Variants in FSCN1 observed in about 807,000 individuals in gnomAD.
FSCN1 encodes the protein fascin actin-bundling protein 1.
FSCN1 carries 10 observed loss-of-function variants against 39.7 expected under a neutral mutation model. That is an observed-to-expected ratio of 0.25 (90% CI 0.16 to 0.43). The LOEUF is 0.43. Among genes scored for constraint, FSCN1 ranks in the 20% least tolerant of loss-of-function variants. The pLI, the probability that FSCN1 is intolerant of heterozygous loss-of-function variation, is 1.00. For synonymous variants in FSCN1, 322 were observed against 320.0 expected, an observed-to-expected ratio of 1.01 and a Z score of -0.07; for missense variants, 525 against 723.8, an observed-to-expected ratio of 0.73 and a Z score of 3.15.
intron 1 of FSCN1, among the ~76,000 whole-genome samples, chr7:5,597,233 G>T (rs1440261871): frequency 1.3e-5 from 2 of 152,228 alleles, no homozygotes; most frequent in Non-Finnish European, 2.9e-5. Flanking sequence ...GCCAGGCATG[G>T]TGATGCACGC....
rs535304747 is a variant in FSCN1 at position 5,598,020 on chromosome 7, G to A, written c.832+4252G>A. 1.6e-3 allele frequency among the ~76,000 whole-genome samples: 249 copies of A among 152,356 alleles called. 1 individual carries two copies. Among genetic ancestry groups the A allele is most frequent in the Admixed American group, 2.9e-3 (45 of 15,306 alleles). ...TTAGAGACTCCAAGGCCAAGCGAGGGCCTTGGAGCCAGGAGGGGCCCTGCT... is the reference window on the plus strand; with the variant it reads ...TTAGAGACTCCAAGGCCAAGCGAGGACCTTGGAGCCAGGAGGGGCCCTGCT... On this transcript the variant is annotated intron_variant, in intron 1 of 4. Coordinates refer to ENST00000382361, the MANE Select transcript of FSCN1 (RefSeq NM_003088.4).
At chr7:5,600,222 G>A (rs1785800588) in intron 1 of FSCN1, among the ~76,000 whole-genome samples, 1 of 152,040 alleles carries the variant, frequency 6.6e-6, no homozygotes, top group African/African-American at 2.4e-5. Context: ...GACCGGCCTG[G>A]CCAACATAAT....
Position 5,603,880 on chromosome 7 carries a change from C to G in FSCN1, c.1129C>G (p.Leu377Val). Residue 377 changes from leucine to valine, a missense_variant, in exon 4 of 5, where the codon CTC becomes GTC. Transcript: ENST00000382361. This position sits in a 1 kb window ranked among gnomAD's most constrained non-coding sequence, Gnocchi z 8.5. ...TGGGACAGGGGACTCAGAGCTCTTC[C>G]TCATGAAGCTCATCAACCGCCCCAT... ...VETAGDSELF[L>V]MKLINRPIIV... is the part of the protein sequence containing the mutation. 6.2e-7 allele frequency: 1 copy of G among 1,613,724 alleles called. No homozygotes were observed. Among genetic ancestry groups the G allele is most frequent in the Non-Finnish European group, 8.5e-7 (1 of 1,179,898 alleles).
At chr7:5,604,174 T>C (rs1392142300) in intron 4 of FSCN1, 144 bp downstream of exon 4, 20 of 717,706 alleles carry the variant, frequency 2.8e-5, no homozygotes, top group Non-Finnish European at 3.4e-5. Context: ...AGGTGTCTGA[T>C]GGCCACCAGG....
At chr7:5,596,006 A>T (rs1377788354) in intron 1 of FSCN1, among the ~76,000 whole-genome samples, 1 of 135,098 alleles carries the variant, frequency 7.4e-6, no homozygotes, top group Non-Finnish European at 1.6e-5. Context: ...CTCAGCTTGG[A>T]GTTGAAAGGG....
chr7:5,595,905 T>A (rs762768832), intron 1 of FSCN1, among the ~76,000 whole-genome samples: 93 of 152,192 alleles, frequency 6.1e-4, no homozygotes, highest in Non-Finnish European at 1.0e-3. Context: ...TCCCCTCTCC[T>A]GAGAAGCTTG....
chr7:5,593,739 C>T lies in FSCN1; in HGVS notation c.803C>T (p.Ala268Val). 1 of 1,589,372 alleles carries T rather than the reference C, an allele frequency of 6.3e-7. No individual in the cohort carries two copies. Among genetic ancestry groups the T allele is most frequent in the South Asian group, 1.1e-5 (1 of 89,032 alleles). ...QSCAQVVLQA[A>V]NERNVSTRQG... ...TGCGCCCAGGTCGTGCTGCAGGCGG[C>T]CAACGAGAGGAACGTGTCCACGCGC... The change falls in exon 1 of 5, where the codon GCC (alanine) becomes GTC (valine). Residue 268 changes from alanine (A) to valine (V), a missense_variant. Ala to Val is a moderately conservative substitution (Grantham distance 64). Around this residue, in one of 3 missense-constraint regions of FSCN1, gnomAD observed 275 missense variants for 351.9 expected, o/e 0.78. Transcript: ENST00000382361.
chr7:5,604,069 C>T, intron 4 of FSCN1, 39 bp downstream of exon 4: 3 of 1,597,876 alleles, frequency 1.9e-6, no homozygotes, highest in South Asian at 2.2e-5. Flanking sequence ...CAGGGAACCC[C>T]TCGGTCGGGG....
chr7:5,598,942 G>A lies in FSCN1; in HGVS notation c.833-4315G>A, dbSNP rs557083703. ...GCCCTTCTGAGCAGAATGAGGGGGCGGTGAGGGCAGCTGTGCGGGTGTGGC... is the reference window on the plus strand; with the variant it reads ...GCCCTTCTGAGCAGAATGAGGGGGCAGTGAGGGCAGCTGTGCGGGTGTGGC... On this transcript the variant is annotated intron_variant, in intron 1 of 4. Coordinates refer to ENST00000382361, the MANE Select transcript of FSCN1 (RefSeq NM_003088.4). 2.6e-5 allele frequency among the ~76,000 whole-genome samples: 4 copies of A among 152,370 alleles called. No homozygotes were observed. The East Asian group carries it at 7.7e-4, about 29-fold the overall frequency.
Position 5,603,121 on chromosome 7 carries a change from C to A in FSCN1, c.833-136C>A. On this transcript the variant is annotated intron_variant, in intron 1 of 4. Transcript: ENST00000382361. The surrounding 1 kb of genome is among the most constrained non-coding windows in gnomAD (Gnocchi z 8.5). ...TGCTCTCTGCTGCTTCTCATGTGTG[C>A]CACTGTGGGGACTCGGCCGCCCACC... The A allele has an allele frequency of 2.2e-6, 2 of 907,840 alleles. No individual in the cohort carries two copies. The highest frequency in any genetic ancestry group is 3.4e-6 in the Non-Finnish European group (2 of 583,316). 56.2% of individuals were successfully genotyped at this position (907,840 alleles called of 1,614,324 possible).
chr7:5,594,019 G>C (rs1397548870), intron 1 of FSCN1: 1 of 513,642 alleles, frequency 1.9e-6, no homozygotes, highest in African/African-American at 2.1e-5. Context: ...GCCCCGCGGA[G>C]TCGCAACCGT....
At chr7:5,597,644 G>A (rs945508446) in intron 1 of FSCN1, among the ~76,000 whole-genome samples, 3 of 151,420 alleles carry the variant, frequency 2.0e-5, no homozygotes, top group East Asian at 1.9e-4. Context: ...TCCAGCCTGG[G>A]CAACAAGAGT....
rs376016880 is a variant in FSCN1 at position 5,593,263 on chromosome 7, G to C, written c.327G>C (p.Arg109=). 4 of 1,609,370 alleles carry C rather than the reference G, an allele frequency of 2.5e-6. No individual in the cohort carries two copies. In the African/African-American group the frequency reaches 4.0e-5, roughly 16 times the overall value. The change falls in exon 1 of 5, where the codon CGG becomes CGC. Residue 109 remains arginine (R), a synonymous_variant. Coordinates refer to ENST00000382361, the MANE Select transcript of FSCN1 (RefSeq NM_003088.4). ...GRWSLQSEAH[R]RYFGGTEDRL... is the part of the protein sequence containing the mutation. ...GGTCGCTGCAGTCCGAGGCGCACCG[G>C]CGCTACTTCGGCGGCACCGAGGACC... is the stretch of plus-strand genomic sequence containing the variant.
intron 1 of FSCN1, chr7:5,602,976 T>G (rs1785860990): frequency 2.1e-6 from 1 of 478,774 alleles, no homozygotes; most frequent in Non-Finnish European, 3.8e-6. Context: ...TCCCAAAGTG[T>G]TGCGATCACA....
intron 4 of FSCN1, 118 bp downstream of exon 4, chr7:5,604,148 C>G: frequency 1.1e-6 from 1 of 938,798 alleles, no homozygotes. Flanking sequence ...AGGGCCATTC[C>G]AGGCCCTAAA....
In FSCN1 at chr7:5,593,227, C is replaced by G. The variant is rs369117139; in HGVS notation, c.291C>G (p.Asp97Glu). The change falls in exon 1 of 5, where the codon GAC (aspartate) becomes GAG (glutamate). Residue 97 changes from aspartate (D) to glutamate (E), a missense_variant. Physicochemically the swap from Asp to Glu is conservative, Grantham distance 45 (BLOSUM62 2). This residue lies in a region of FSCN1 where 246 missense variants were observed against 350.6 expected (regional missense o/e 0.70). Coordinates refer to ENST00000382361, the MANE Select transcript of FSCN1 (RefSeq NM_003088.4). ...GCCGTTTCCTCATCGTGGCGCACGA[C>G]GACGGTCGCTGGTCGCTGCAGTCCG... ...PDCRFLIVAH[D>E]DGRWSLQSEA... The G allele has an allele frequency of 6.2e-7, 1 of 1,607,612 alleles. No individual in the cohort carries two copies. Among genetic ancestry groups the G allele is most frequent in the Non-Finnish European group, 8.5e-7 (1 of 1,178,324 alleles).
In FSCN1 at chr7:5,595,429, G is replaced by A. The variant is rs1399728026; in HGVS notation, c.832+1661G>A. On this transcript the variant is annotated intron_variant, in intron 1 of 4. Coordinates refer to ENST00000382361, the MANE Select transcript of FSCN1 (RefSeq NM_003088.4). The stretch of plus-strand genomic sequence containing the variant: ...GCAGAGCTCCTCACCTGATCAGCAG[G>A]CATTGAGCCCTACTAAGGGGACCTG... Among the ~76,000 whole-genome samples, 7 of 152,300 alleles carry A rather than the reference G, an allele frequency of 4.6e-5. No individual in the cohort carries two copies. The East Asian group carries it at 9.6e-4, about 21-fold the overall frequency.
chr7:5,600,963 G>A (rs1187286488), intron 1 of FSCN1, among the ~76,000 whole-genome samples: 4 of 124,026 alleles, frequency 3.2e-5, no homozygotes, highest in Admixed American at 3.0e-4. Flanking sequence ...CCTTTTTTTT[G>A]TATTTTTAGT....
chr7:5,593,768 G>T lies in FSCN1; in HGVS notation c.832G>T (p.Gly278Cys). The change falls in exon 1 of 5, where the codon GGT becomes TGT. Residue 278 changes from glycine (G) to cysteine (C), a missense_variant and splice_region_variant. Gly to Cys is a radical substitution (Grantham distance 159). Around this residue, in one of 3 missense-constraint regions of FSCN1, gnomAD observed 275 missense variants for 351.9 expected, o/e 0.78. Transcript: ENST00000382361. ...CGAGAGGAACGTGTCCACGCGCCAG[G>T]GTGAGTGGGGACGCTGCCCCCGCCT... ...ANERNVSTRQ[G>C]MDLSANQDEE... 1 of 1,556,644 alleles carries T rather than the reference G, an allele frequency of 6.4e-7. No individual in the cohort carries two copies. The highest frequency in any genetic ancestry group is 8.7e-7 in the Non-Finnish European group (1 of 1,153,470).
Sources: allele counts gnomAD v4.1 joint callset (sites outside exome capture counted in the v4.1 genomes callset), GRCh38; gene constraint gnomAD v4.1.1; regional missense constraint gnomAD v4.1.1; non-coding constraint Gnocchi (gnomAD v3.1); transcripts MANE v1.5; gene names NCBI Gene and HGNC (gene_info 2026-07-23, HGNC 2026-07-21).